Variants in LRMDA observed in about 807,000 individuals in gnomAD.
The protein encoded by LRMDA is leucine-rich melanocyte differentiation-associated protein.
In LRMDA, 18 loss-of-function variants were observed where a neutral mutation model predicts 29.8. That is an observed-to-expected ratio of 0.60 (90% CI 0.42 to 0.90). The LOEUF (loss-of-function observed/expected upper bound fraction) is 0.90. LRMDA is among the 40% of genes least tolerant of loss of function. The pLI is 0.00. For synonymous variants in LRMDA, 125 were observed against 109.4 expected (o/e 1.14, Z -0.89); for missense variants, 273 against 273.9 (o/e 1.00, Z 0.02).
At chr10:75,963,383 C>A (rs1846801764) in intron 2 of LRMDA, among the ~76,000 whole-genome samples, 1 of 152,198 alleles carries the variant, frequency 6.6e-6, no homozygotes, top group South Asian at 2.1e-4. Context: ...TTGCTTATCT[C>A]ATTCCCGTAT....
chr10:75,669,751 T>C (rs1485219637), intron 2 of LRMDA, among the ~76,000 whole-genome samples: 1 of 152,216 alleles, frequency 6.6e-6, no homozygotes, highest in East Asian at 1.9e-4. Flanking sequence ...CAGTACTTTT[T>C]GGTGACACTA....
intron 2 of LRMDA, among the ~76,000 whole-genome samples, chr10:75,473,307 C>T (rs960606026): frequency 1.3e-5 from 2 of 152,224 alleles, no homozygotes; most frequent in African/African-American, 4.8e-5. Context: ...ATGAAAGCTC[C>T]AGAGGTGGTA....
chr10:75,696,122 T>C (rs1421485859), intron 2 of LRMDA, among the ~76,000 whole-genome samples: 1 of 152,244 alleles, frequency 6.6e-6, no homozygotes, highest in Non-Finnish European at 1.5e-5. Context: ...ATAACAATGA[T>C]AATTTTAATT....
Position 76,318,109 on chromosome 10 carries a change from T to C in LRMDA, c.517-6292T>C, listed in dbSNP as rs896027440. ...ATGGTTTTATTTTTGTCTTCTGTTA[T>C]ATAAGTGTCTGCTAAAAATATTTTG... On this transcript the variant is annotated intron_variant, in intron 5 of 6. Coordinates refer to ENST00000611255, the MANE Select transcript of LRMDA (RefSeq NM_001305581.2). 2.6e-5 allele frequency among the ~76,000 whole-genome samples: 4 copies of C among 152,242 alleles called. 1 individual carries two copies. The highest frequency in any genetic ancestry group is 9.6e-5 in the African/African-American group (4 of 41,468).
At chr10:76,301,001 A>C (rs1840473382) in intron 5 of LRMDA, among the ~76,000 whole-genome samples, 1 of 152,220 alleles carries the variant, frequency 6.6e-6, no homozygotes, top group Non-Finnish European at 1.5e-5. Flanking sequence ...GTGGCAACTT[A>C]ATATATGCTT....
chr10:75,908,525 G>C (rs1245255848), intron 2 of LRMDA, among the ~76,000 whole-genome samples: 1 of 152,188 alleles, frequency 6.6e-6, no homozygotes, highest in African/African-American at 2.4e-5. Flanking sequence ...TTGGGAGGAA[G>C]GGTTTAGGGA....
chr10:75,904,029 A>T (rs1435549242), intron 2 of LRMDA, among the ~76,000 whole-genome samples: 1 of 152,246 alleles, frequency 6.6e-6, no homozygotes, highest in Non-Finnish European at 1.5e-5. Flanking sequence ...CAAGAGACTA[A>T]TACTACCGTA....
At chr10:75,930,524 C>T (rs957492686) in intron 2 of LRMDA, among the ~76,000 whole-genome samples, 2 of 152,058 alleles carry the variant, frequency 1.3e-5, no homozygotes, top group Non-Finnish European at 2.9e-5. Flanking sequence ...AGCAGACATT[C>T]GATGATGGTG....
At chr10:75,603,495 A>G (rs543886659) in intron 2 of LRMDA, among the ~76,000 whole-genome samples, 1 of 152,308 alleles carries the variant, frequency 6.6e-6, no homozygotes, top group African/African-American at 2.4e-5. Context: ...GGAGAATGGA[A>G]GTGTAAAATG....
intron 2 of LRMDA, among the ~76,000 whole-genome samples, chr10:75,648,710 T>G (rs1282160368): frequency 6.6e-6 from 1 of 152,040 alleles, no homozygotes; most frequent in African/African-American, 2.4e-5. Context: ...AAAAAGGAAG[T>G]TTCACTTTTC....
intron 2 of LRMDA, among the ~76,000 whole-genome samples, chr10:75,592,652 G>A (rs1041607562): frequency 2.6e-5 from 4 of 152,184 alleles, no homozygotes; most frequent in African/African-American, 7.2e-5. Flanking sequence ...TCGCGGAGCC[G>A]CGTCTGACGC....
At chr10:75,438,918 C>T (rs1476025410) in intron 2 of LRMDA, among the ~76,000 whole-genome samples, 1 of 152,124 alleles carries the variant, frequency 6.6e-6, no homozygotes, top group African/African-American at 2.4e-5. Context: ...CGTCGAGTCA[C>T]AGGTAGGGTG....
chr10:76,312,926 G>A (rs956534088), intron 5 of LRMDA, among the ~76,000 whole-genome samples: 17 of 152,154 alleles, frequency 1.1e-4, no homozygotes, highest in African/African-American at 4.1e-4. Flanking sequence ...AAGTCCAGTT[G>A]AAGAGATAAG....
At chr10:75,981,711 G>A (rs1847173616) in intron 2 of LRMDA, among the ~76,000 whole-genome samples, 1 of 152,076 alleles carries the variant, frequency 6.6e-6, no homozygotes, top group Non-Finnish European at 1.5e-5. Context: ...CATTAGCTGG[G>A]AATGGTGGTG....
At chr10:75,578,739 C>T (rs945945664) in intron 2 of LRMDA, among the ~76,000 whole-genome samples, 8 of 151,556 alleles carry the variant, frequency 5.3e-5, no homozygotes, top group Middle Eastern at 3.4e-3. Context: ...GATTAAGAAA[C>T]GCACTCAAAA....
intron 5 of LRMDA, among the ~76,000 whole-genome samples, chr10:76,283,434 G>T (rs1273599146): frequency 1.3e-5 from 2 of 152,206 alleles, no homozygotes; most frequent in Non-Finnish European, 2.9e-5. Context: ...ACAAGTGCTT[G>T]AGGGACAGAT....
Position 76,324,342 on chromosome 10 carries a change from G to A in LRMDA, c.517-59G>A, listed in dbSNP as rs1322568. The A allele has an allele frequency of 2.9e-6, 4 of 1,395,820 alleles. No homozygotes were observed. In the African/African-American group the frequency reaches 4.3e-5, roughly 15 times the overall value. The allele number at this position is 1,395,820 out of a possible 1,614,324, so 86.5% of individuals were successfully genotyped here. A position where few individuals can be genotyped will look rare whatever the true frequency, so the allele number is the denominator to read the frequency against. On this transcript the variant is annotated intron_variant, in intron 5 of 6. Transcript: ENST00000611255. The stretch of plus-strand genomic sequence containing the variant: ...CCAAGGAGACAGGTCTGGTAAATGA[G>A]GGTATTTGGTATTTGGTGTTTGGTG...
intron 2 of LRMDA, among the ~76,000 whole-genome samples, chr10:75,628,399 C>G (rs1841279179): frequency 6.6e-6 from 1 of 152,212 alleles, no homozygotes; most frequent in Non-Finnish European, 1.5e-5. Flanking sequence ...AATAAGATTT[C>G]ATTCTCTCCT....
chr10:75,817,905 G>C (rs2132277737), intron 2 of LRMDA, among the ~76,000 whole-genome samples: 1 of 152,232 alleles, frequency 6.6e-6, no homozygotes, highest in South Asian at 2.1e-4. Context: ...AGAATTAAGG[G>C]ATTGCTCCAG....
Sources: gnomAD v4.1 joint callset for allele counts (sites outside exome capture counted in the v4.1 genomes callset) on GRCh38, gnomAD v4.1.1 for gene constraint, MANE v1.5 for transcripts, NCBI Gene and HGNC (gene_info 2026-07-23, HGNC 2026-07-21) for gene names.